Variants in RBMS3 observed in about 807,000 individuals in gnomAD.
RBMS3 encodes the protein RNA-binding motif, single-stranded-interacting protein 3.
A neutral mutation model predicts 66.8 loss-of-function variants in RBMS3; 27 were observed. The ratio of observed to expected loss-of-function variants is 0.40; its 90% confidence interval spans 0.30 to 0.56. The LOEUF (loss-of-function observed/expected upper bound fraction) is 0.56. Ranked by LOEUF, RBMS3 falls within the 20% of genes least tolerant of loss-of-function variation. The pLI is 0.40. For missense variants in RBMS3, 513 were observed against 549.5 expected (o/e 0.93, Z 0.66); for synonymous variants, 188 against 183.0 (o/e 1.03, Z -0.22).
intron 3 of RBMS3, among the ~76,000 whole-genome samples, chr3:29,497,718 T>A (rs1186958135): frequency 6.6e-6 from 1 of 152,148 alleles, no homozygotes; most frequent in Non-Finnish European, 1.5e-5. Flanking sequence ...GATTAGTTTG[T>A]GTCCTTCCTC....
At chr3:29,808,548 G>T (rs1290493775) in intron 6 of RBMS3, among the ~76,000 whole-genome samples, 2 of 151,942 alleles carry the variant, frequency 1.3e-5, no homozygotes, top group Non-Finnish European at 2.9e-5. Flanking sequence ...CTGGCGGGAA[G>T]AATTTTACAC....
intron 1 of RBMS3, among the ~76,000 whole-genome samples, chr3:29,343,134 A>G (rs73058239): frequency 0.15 from 23,213 of 152,098 alleles, 1,876 homozygotes; most frequent in Non-Finnish European, 0.18. Context: ...GATCTAATGT[A>G]GTAGTATAAA....
intron 12 of RBMS3, among the ~76,000 whole-genome samples, chr3:29,986,575 A>G (rs78810198): frequency 0.013 from 2,001 of 152,348 alleles, 38 homozygotes; most frequent in African/African-American, 0.046. Context: ...CCTATATAGC[A>G]GAGGCAAATT....
At chr3:29,864,533 C>T (rs766659100) in intron 6 of RBMS3, among the ~76,000 whole-genome samples, 7 of 151,984 alleles carry the variant, frequency 4.6e-5, no homozygotes, top group South Asian at 4.1e-4. Context: ...TGTATGTTGA[C>T]GAAGCCTCTA....
intron 1 of RBMS3, among the ~76,000 whole-genome samples, chr3:29,378,526 G>A (rs568505281): frequency 8.6e-5 from 13 of 151,448 alleles, no homozygotes; most frequent in South Asian, 4.2e-4. Context: ...TTTCATAGAG[G>A]TATTGTGAGG....
chr3:29,797,923 G>A (rs1291118708), intron 6 of RBMS3: 2 of 151,958 alleles, frequency 1.3e-5, no homozygotes, highest in African/African-American at 2.4e-5. Flanking sequence ...TGAAAGACAC[G>A]CAATTCTTTC....
intron 4 of RBMS3, among the ~76,000 whole-genome samples, chr3:29,618,662 G>GA (rs202047792): frequency 2.7e-5 from 4 of 149,976 alleles, no homozygotes; most frequent in East Asian, 1.9e-4. Flanking sequence ...CTTTTTGACA[G>GA]AAAAAAAAAG....
chr3:29,990,030 T>C lies in RBMS3; in HGVS notation c.1180-1052T>C, dbSNP rs114121996. Among the ~76,000 whole-genome samples, 1,491 of 152,258 alleles carry C rather than the reference T, an allele frequency of 9.8e-3. 9 individuals are homozygous for C. The highest frequency in any genetic ancestry group is 0.014 in the Non-Finnish European group (947 of 68,014). ...TTTAGGGATTAAAAGAAATATTTCA[T>C]TGATAAAAATATAAATATACTCTGA... is the stretch of plus-strand genomic sequence containing the variant. On this transcript the variant is annotated intron_variant, in intron 13 of 14. Transcript: ENST00000383767.
chr3:29,414,440 G>T (rs1280609851), intron 1 of RBMS3, among the ~76,000 whole-genome samples: 1 of 152,122 alleles, frequency 6.6e-6, no homozygotes, highest in African/African-American at 2.4e-5. Context: ...AAAAACAAAG[G>T]CACAACATTC....
At chr3:29,884,939 G>C (rs946366690) in intron 8 of RBMS3, among the ~76,000 whole-genome samples, 7 of 151,866 alleles carry the variant, frequency 4.6e-5, no homozygotes, top group African/African-American at 1.7e-4. Flanking sequence ...TCAGTTGTCT[G>C]TCTTTCAGTC....
At chr3:29,720,696 C>CTGTGTGTGTG (rs201802434) in intron 4 of RBMS3, among the ~76,000 whole-genome samples, 7,251 of 147,522 alleles carry the variant, frequency 0.049, 285 homozygotes, top group African/African-American at 0.096. Flanking sequence ...CTGTAAGAAT[C>CTGTGTGTGTG]TGTGTGTGTG....
At chr3:29,641,284 A>C (rs1489261459) in intron 4 of RBMS3, 1 of 152,026 alleles carries the variant, frequency 6.6e-6, no homozygotes, top group Non-Finnish European at 1.5e-5. Flanking sequence ...ATGCTTTCCC[A>C]TTTGTAAAGC....
chr3:29,913,340 A>G (rs990217331), intron 10 of RBMS3, among the ~76,000 whole-genome samples: 10 of 152,124 alleles, frequency 6.6e-5, no homozygotes, highest in South Asian at 2.1e-4. Flanking sequence ...CAGAAAAACT[A>G]TATCATCAGC....
intron 10 of RBMS3, among the ~76,000 whole-genome samples, chr3:29,929,929 C>G (rs1003545216): frequency 2.0e-5 from 3 of 151,554 alleles, no homozygotes; most frequent in African/African-American, 7.3e-5. Flanking sequence ...AGTTAGCACT[C>G]AAAAATAATG....
chr3:29,431,294 TC>T (rs1559355362), intron 1 of RBMS3, among the ~76,000 whole-genome samples: 3 of 118,330 alleles, frequency 2.5e-5, no homozygotes, highest in African/African-American at 3.6e-5. Context: ...TCTTTCTTTT[TC>T]CTTTTCTTTT....
Position 29,768,642 on chromosome 3 carries a change from A to G in RBMS3, c.637+5653A>G, listed in dbSNP as rs2056038134. Among the ~76,000 whole-genome samples the G allele has an allele frequency of 2.6e-5, 4 of 151,910 alleles. No homozygotes were observed. In the South Asian group the frequency reaches 8.3e-4, roughly 32 times the overall value. Reference sequence around the variant, plus strand: ...TATAAAAGCTTGCTCAATGAGACAGACAAACGTCTTCTACAAACTTTGGGG... The same window carrying G: ...TATAAAAGCTTGCTCAATGAGACAGGCAAACGTCTTCTACAAACTTTGGGG... On this transcript the variant is annotated intron_variant, in intron 6 of 14. Transcript: ENST00000383767.
At chr3:29,676,995 G>T (rs1286765710) in intron 4 of RBMS3, among the ~76,000 whole-genome samples, 1 of 152,090 alleles carries the variant, frequency 6.6e-6, no homozygotes, top group Non-Finnish European at 1.5e-5. Flanking sequence ...CTTCTGGGGA[G>T]GCCTCAGGGA....
intron 4 of RBMS3, among the ~76,000 whole-genome samples, chr3:29,703,809 C>CAGGT: frequency 6.6e-6 from 1 of 152,270 alleles, no homozygotes; most frequent in South Asian, 2.1e-4. Flanking sequence ...ATGGGCCACA[C>CAGGT]AGGTAGGAAC....
At chr3:29,513,275 C>T (rs948011967) in intron 3 of RBMS3, among the ~76,000 whole-genome samples, 3 of 152,062 alleles carry the variant, frequency 2.0e-5, no homozygotes, top group African/African-American at 7.2e-5. Context: ...GATTGGAAAA[C>T]CTTTCAGGGA....
Sources: allele counts gnomAD v4.1 joint callset (sites outside exome capture counted in the v4.1 genomes callset), GRCh38; gene constraint gnomAD v4.1.1; transcripts MANE v1.5; gene names NCBI Gene and HGNC (gene_info 2026-07-23, HGNC 2026-07-21).